IYD: variants seen among roughly 807,000 people sequenced by gnomAD.
IYD encodes the protein iodotyrosine deiodinase 1.
In IYD, 25 loss-of-function variants were observed where a neutral mutation model predicts 28.4. The ratio of observed to expected loss-of-function variants is 0.88; its 90% CI spans 0.64 to 1.23. The LOEUF (loss-of-function observed/expected upper bound fraction) is 1.23, where lower values mean the gene tolerates loss of function less well. Ranked by LOEUF, IYD falls within the 50% of genes most tolerant of loss-of-function variation. IYD has a pLI of 0.00. For synonymous variants in IYD, 140 were observed against 130.8 expected (o/e 1.07, Z -0.48); for missense variants, 352 against 357.9 (o/e 0.98, Z 0.13).
In IYD at chr6:150,401,701, G is replaced by A. The variant is rs1582810658; in HGVS notation, c.*3464G>A. 1 of 152,132 alleles carries A rather than the reference G, an allele frequency of 6.6e-6. No homozygotes were observed. The highest frequency in any genetic ancestry group is 2.4e-5 in the African/African-American group (1 of 41,398). The allele number at this position is 152,132 out of a possible 1,614,324, so 9.4% of individuals were successfully genotyped here. ...TGTTCAAAGTTAGAAATAGTGGTCG[G>A]GGAGGCTTATAGATCCTCTTGCTGT... On this transcript the variant is annotated 3_prime_UTR_variant, in exon 5 of 5. Transcript: ENST00000344419.
chr6:150,395,493 GCACCGC>G (rs1778278611), intron 4 of IYD: 1 of 1,537,172 alleles, frequency 6.5e-7, no homozygotes, highest in Non-Finnish European at 8.7e-7. Flanking sequence ...AGACTGCGAG[GCACCGC>G]CACCTGATTG....
Position 150,398,168 on chromosome 6 carries a change from C to A in IYD, c.801C>A (p.Tyr267Ter). The A allele has an allele frequency of 6.2e-7, 1 of 1,614,182 alleles. No individual in the cohort carries two copies. Among genetic ancestry groups the A allele is most frequent in the Non-Finnish European group, 8.5e-7 (1 of 1,180,036 alleles). Residue 267 changes from tyrosine to a stop codon, truncating the protein, a stop_gained, in exon 5 of 5, where the codon TAC (tyrosine) becomes TAA (stop). Coordinates refer to ENST00000344419, the MANE Select transcript of IYD (RefSeq NM_203395.3). LOFTEE classifies it high-confidence loss of function. ...TGCTGATGCTGCTCCCCGTGGGGTA[C>A]CCCAGCAAGGAGGCCACGGTGCCTG... ...EKLLMLLPVG[Y>*]PSKEATVPDL...
chr6:150,396,423 A>C, intron 4 of IYD: 1 of 671,266 alleles, frequency 1.5e-6, no homozygotes, highest in Non-Finnish European at 2.7e-6. Context: ...ACTTAACATT[A>C]ATAATATTAA....
rs1046968470 is a variant in IYD at position 150,394,339 on chromosome 6, T to G, written c.687+84T>G. 45 of 1,480,138 alleles carry G rather than the reference T, an allele frequency of 3.0e-5. 1 individual carries two copies. In the South Asian group the frequency reaches 4.9e-4, roughly 16 times the overall value. 91.7% of individuals were successfully genotyped at this position (1,480,138 alleles called of 1,614,324 possible). A position where few individuals can be genotyped will look rare whatever the true frequency, so the allele number is the denominator to read the frequency against. On this transcript the variant is annotated intron_variant, in intron 4 of 4. Coordinates refer to ENST00000344419, the MANE Select transcript of IYD (RefSeq NM_203395.3). ...TCAATTCAGGGACATTTGGAAATTT[T>G]TTTTTAATCTAAAGTAGAATTCCTA...
chr6:150,380,730 T>C (rs549431456), intron 1 of IYD, among the ~76,000 whole-genome samples: 37 of 129,652 alleles, frequency 2.9e-4, no homozygotes, highest in Non-Finnish European at 5.1e-4. Context: ...CACCAATTTA[T>C]CTGTGGAAAT....
rs1377817533 is a variant in IYD, at chr6:150,370,376, T to C, written c.178+1167T>C. The C allele has an allele frequency of 1.1e-5, 5 of 467,734 alleles. No individual in the cohort carries two copies. The East Asian group carries it at 6.2e-4, about 58-fold the overall frequency. 29.0% of individuals were successfully genotyped at this position (467,734 alleles called of 1,614,324 possible). ...GTGTGTGCATGAGTGTGTGTGAGCATGCATGAGTTTGTGTGTGCATGCATG... is the reference window on the plus strand; with the variant it reads ...GTGTGTGCATGAGTGTGTGTGAGCACGCATGAGTTTGTGTGTGCATGCATG... On this transcript the variant is annotated intron_variant, in intron 1 of 4. Coordinates refer to ENST00000344419, the MANE Select transcript of IYD (RefSeq NM_203395.3).
chr6:150,384,078 A>G (rs1777768462), intron 1 of IYD, among the ~76,000 whole-genome samples: 2 of 152,178 alleles, frequency 1.3e-5, no homozygotes, highest in Admixed American at 6.5e-5. Flanking sequence ...ACACAAACAC[A>G]TGCACACACA....
chr6:150,392,210 A>G, intron 2 of IYD, 135 bp from the exon 3 acceptor site: 1 of 1,401,840 alleles, frequency 7.1e-7, no homozygotes, highest in Non-Finnish European at 9.8e-7. Context: ...AAAAAAAAAA[A>G]TCTGCAAAAT....
At chr6:150,395,296 A>G (rs778267821) in intron 4 of IYD, 13 of 801,924 alleles carry the variant, frequency 1.6e-5, no homozygotes, top group Middle Eastern at 2.6e-4. Context: ...TTGAGAGACA[A>G]TGGATTAAAA....
rs1778479737 is a variant in IYD, at chr6:150,400,585, C to T, written c.*2348C>T. 7.1e-6 allele frequency: 1 copy of T among 141,580 alleles called. No individual in the cohort carries two copies. Among genetic ancestry groups the T allele is most frequent in the Admixed American group, 7.0e-5 (1 of 14,280 alleles). 8.8% of individuals were successfully genotyped at this position (141,580 alleles called of 1,614,324 possible). ...TGGAATAACCAAAATGTGTATCATT[C>T]TACAAAAAAATAGGCCTGGACTATT... On this transcript the variant is annotated 3_prime_UTR_variant, in exon 5 of 5. Transcript: ENST00000344419.
At chr6:150,388,543 AC>A (rs144032501) in intron 1 of IYD, among the ~76,000 whole-genome samples, 1,856 of 152,194 alleles carry the variant, frequency 0.012, 44 homozygotes, top group African/African-American at 0.044. Flanking sequence ...GTTTCAAATA[AC>A]CTAGTCCATC....
At chr6:150,383,359 C>T (rs1777722534) in intron 1 of IYD, among the ~76,000 whole-genome samples, 1 of 152,136 alleles carries the variant, frequency 6.6e-6, no homozygotes, top group South Asian at 2.1e-4. Flanking sequence ...AACCTCACAG[C>T]TGTTTCTTGG....
rs1778624429 is a variant in IYD at position 150,405,801 on chromosome 6, T to C, written c.*7564T>C. 1.3e-5 allele frequency: 2 copies of C among 152,188 alleles called. No homozygotes were observed. The highest frequency in any genetic ancestry group is 4.1e-4 in the South Asian group (2 of 4,830). 9.4% of individuals were successfully genotyped at this position (152,188 alleles called of 1,614,324 possible). Reference sequence around the variant, plus strand: ...TGGGTGAAGACATAGCCAAACCATATCATCATCTTAAATTTCTGTGATTCT... The same window carrying C: ...TGGGTGAAGACATAGCCAAACCATACCATCATCTTAAATTTCTGTGATTCT... On this transcript the variant is annotated 3_prime_UTR_variant, in exon 5 of 5. Transcript: ENST00000344419.
chr6:150,373,427 C>A (rs933625507), intron 1 of IYD, among the ~76,000 whole-genome samples: 1 of 152,160 alleles, frequency 6.6e-6, no homozygotes, highest in East Asian at 1.9e-4. Flanking sequence ...CCAGGGCCAG[C>A]TCCTCTGAGT....
intron 1 of IYD, among the ~76,000 whole-genome samples, chr6:150,381,374 A>T (rs181269079): frequency 1.3e-5 from 2 of 152,294 alleles, no homozygotes; most frequent in Admixed American, 1.3e-4. Context: ...CTTTTTTAGA[A>T]GTTTTGTTTA....
intron 4 of IYD, chr6:150,395,412 C>G (rs1042246090): frequency 1.3e-6 from 2 of 1,537,154 alleles, no homozygotes; most frequent in African/African-American, 1.4e-5. Context: ...AAAAATTATC[C>G]TGAAGGAGCT....
intron 1 of IYD, chr6:150,384,778 G>A (rs1050716664): frequency 2.0e-5 from 3 of 152,166 alleles, no homozygotes; most frequent in Non-Finnish European, 2.9e-5. Flanking sequence ...CTGGGAATTT[G>A]ACAATACAGT....
intron 4 of IYD, among the ~76,000 whole-genome samples, chr6:150,394,513 C>G (rs1019842273): frequency 1.3e-5 from 2 of 152,114 alleles, no homozygotes; most frequent in Non-Finnish European, 2.9e-5. Context: ...CATGAAGTTT[C>G]AAGGGTTTTG....
intron 4 of IYD, chr6:150,397,038 T>C (rs1438008941): frequency 6.7e-6 from 1 of 149,796 alleles, no homozygotes; most frequent in Non-Finnish European, 1.5e-5. Context: ...CTCTCAGGTA[T>C]TGTGAAATCT....
Sources: allele counts gnomAD v4.1 joint callset (sites outside exome capture counted in the v4.1 genomes callset), GRCh38; gene constraint gnomAD v4.1.1; transcripts MANE v1.5; gene names NCBI Gene and HGNC (gene_info 2026-07-23, HGNC 2026-07-21).